CSGALNACT1: variants seen among roughly 807,000 people sequenced by gnomAD.
CSGALNACT1 encodes beta4GalNAcT-1.
In CSGALNACT1, 52 loss-of-function variants were observed where a neutral mutation model predicts 51.0. The observed-to-expected ratio is 1.02, with a 90% CI of 0.82 to 1.29. The LOEUF (loss-of-function observed/expected upper bound fraction) is 1.29. CSGALNACT1 is among the 50% of genes most tolerant of loss of function. The pLI is 0.00. For missense variants in CSGALNACT1, 935 were observed against 679.2 expected (o/e 1.38, Z -4.19); for synonymous variants, 341 against 254.4 (o/e 1.34, Z -3.24).
chr8:19,652,483 C>G (rs1044111186), intron 1 of CSGALNACT1, among the ~76,000 whole-genome samples: 2 of 152,178 alleles, frequency 1.3e-5, no homozygotes, highest in African/African-American at 4.8e-5. Context: ...GATGAACTGT[C>G]TGTCTTCCCA....
At chr8:19,448,117 T>C (rs1248611867) in intron 5 of CSGALNACT1, among the ~76,000 whole-genome samples, 1 of 152,146 alleles carries the variant, frequency 6.6e-6, no homozygotes, top group Non-Finnish European at 1.5e-5. Flanking sequence ...TCACTGAGGA[T>C]ACCTAGAAAG....
At chr8:19,697,432 A>G (rs1320245507) in intron 1 of CSGALNACT1, among the ~76,000 whole-genome samples, 1 of 152,148 alleles carries the variant, frequency 6.6e-6, no homozygotes, top group Non-Finnish European at 1.5e-5. Context: ...GTTCAGGGAA[A>G]ATGTCCAGAC....
At chr8:19,661,971 C>G (rs1177543258) in intron 1 of CSGALNACT1, among the ~76,000 whole-genome samples, 1 of 151,640 alleles carries the variant, frequency 6.6e-6, no homozygotes, top group Non-Finnish European at 1.5e-5. Context: ...AGTCATTCCC[C>G]TTCCTGGTGT....
At chr8:19,727,711 A>G (rs55735878) in intron 1 of CSGALNACT1, among the ~76,000 whole-genome samples, 8,024 of 152,214 alleles carry the variant, frequency 0.053, 330 homozygotes, top group Non-Finnish European at 0.074. Flanking sequence ...GCCCATCAAA[A>G]TGTGTCCTCC....
chr8:19,651,288 T>G (rs1038451553), intron 1 of CSGALNACT1, among the ~76,000 whole-genome samples: 7 of 152,180 alleles, frequency 4.6e-5, no homozygotes, highest in African/African-American at 1.7e-4. Flanking sequence ...TATTTTAGGT[T>G]CAGGGGTACA....
At chr8:19,525,489 T>G (rs2081484662) in intron 3 of CSGALNACT1, among the ~76,000 whole-genome samples, 1 of 150,604 alleles carries the variant, frequency 6.6e-6, no homozygotes, top group Non-Finnish European at 1.5e-5. Flanking sequence ...TGGTGGTGCA[T>G]GTCTATAGTC....
chr8:19,526,252 G>A (rs1053817040), intron 3 of CSGALNACT1, among the ~76,000 whole-genome samples: 1 of 152,108 alleles, frequency 6.6e-6, no homozygotes, highest in Non-Finnish European at 1.5e-5. Flanking sequence ...AACTAGAGGG[G>A]CAGAACAGCT....
At chr8:19,637,212 A>C (rs902505419) in intron 1 of CSGALNACT1, among the ~76,000 whole-genome samples, 1 of 152,092 alleles carries the variant, frequency 6.6e-6, no homozygotes, top group Non-Finnish European at 1.5e-5. Flanking sequence ...AAAATAAATA[A>C]ATAAATAAAA....
intron 6 of CSGALNACT1, among the ~76,000 whole-genome samples, chr8:19,431,695 G>A (rs991471044): frequency 1.5e-4 from 23 of 152,056 alleles, no homozygotes; most frequent in African/African-American, 4.6e-4. Flanking sequence ...GTTGGAAAGT[G>A]TTCTCTCCTC....
chr8:19,664,043 A>G (rs977988987), intron 1 of CSGALNACT1, among the ~76,000 whole-genome samples: 2 of 152,238 alleles, frequency 1.3e-5, no homozygotes, highest in East Asian at 3.8e-4. Flanking sequence ...GGCCAGGGGT[A>G]GGCCAGGAAA....
chr8:19,655,083 T>C (rs964345990), intron 1 of CSGALNACT1, among the ~76,000 whole-genome samples: 3 of 152,186 alleles, frequency 2.0e-5, no homozygotes, highest in Admixed American at 6.5e-5. Context: ...GAAGTCATTT[T>C]TGTAGAACAC....
At chr8:19,638,099 A>G (rs13252345) in intron 1 of CSGALNACT1, among the ~76,000 whole-genome samples, 42,637 of 151,772 alleles carry the variant, frequency 0.28, 6,484 homozygotes, top group African/African-American at 0.38. Flanking sequence ...AGTCTCTTGA[A>G]ACCAACGACT....
chr8:19,542,214 C>T (rs892470271), intron 3 of CSGALNACT1, among the ~76,000 whole-genome samples: 2 of 151,120 alleles, frequency 1.3e-5, no homozygotes, highest in Admixed American at 1.3e-4. Context: ...CACACACACA[C>T]ACACACACAC....
At chr8:19,603,763 T>C (rs1281469436), upstream of CSGALNACT1, among the ~76,000 whole-genome samples, 1 of 152,202 alleles carries the variant, frequency 6.6e-6, no homozygotes, top group African/African-American at 2.4e-5. Context: ...ATATCCTTCA[T>C]GAATACCCTT....
At chr8:19,502,114 C>T (rs566677191) in intron 4 of CSGALNACT1, among the ~76,000 whole-genome samples, 1 of 152,180 alleles carries the variant, frequency 6.6e-6, no homozygotes, top group Non-Finnish European at 1.5e-5. Flanking sequence ...ACAGACAGAC[C>T]AGACCTTATA....
chr8:19,659,084 A>T (rs1392670770), intron 1 of CSGALNACT1, among the ~76,000 whole-genome samples: 2 of 152,094 alleles, frequency 1.3e-5, no homozygotes, highest in African/African-American at 4.8e-5. Context: ...CCACCACCTT[A>T]CATGTCTTTA....
At chr8:19,570,151 A>T (rs1219417027) in intron 3 of CSGALNACT1, among the ~76,000 whole-genome samples, 2 of 151,908 alleles carry the variant, frequency 1.3e-5, no homozygotes, top group Admixed American at 1.3e-4. Context: ...GATTAAACAG[A>T]TATATTCATA....
At chr8:19,408,720 G>A (rs1388464440) in intron 8 of CSGALNACT1, 26 bp from the exon 8 acceptor site, 1 of 1,609,466 alleles carries the variant, frequency 6.2e-7, no homozygotes, top group Non-Finnish European at 8.5e-7. Context: ...TGTCATTTGA[G>A]GGGAAAGTTT....
intron 1 of CSGALNACT1, among the ~76,000 whole-genome samples, chr8:19,694,652 G>A (rs2061497009): frequency 6.6e-6 from 1 of 152,180 alleles, no homozygotes; most frequent in Non-Finnish European, 1.5e-5. Context: ...GAATAGGAAA[G>A]GGCATGGGTT....
Sources: allele counts gnomAD v4.1 joint callset (sites outside exome capture counted in the v4.1 genomes callset), GRCh38; gene constraint gnomAD v4.1.1; transcripts MANE v1.5; gene names NCBI Gene and HGNC (gene_info 2026-07-23, HGNC 2026-07-21).